Variants in PTPN3 observed in about 807,000 individuals in gnomAD.
PTPN3 encodes tyrosine-protein phosphatase non-receptor type 3.
PTPN3 carries 96 observed loss-of-function variants against 132.7 expected under a neutral mutation model. The observed-to-expected ratio is 0.72, with a 90% confidence interval of 0.61 to 0.86. The LOEUF (loss-of-function observed/expected upper bound fraction) is 0.86. Among genes scored for constraint, PTPN3 ranks in the 40% least tolerant of loss-of-function variants. The pLI is 0.00. For missense variants in PTPN3, 1,125 were observed against 1,159.6 expected (o/e 0.97, Z 0.43); for synonymous variants, 398 against 429.0 (o/e 0.93, Z 0.89).
Position 109,406,567 on chromosome 9 carries a change from T to C in PTPN3, c.1687A>G (p.Asn563Asp). 6.2e-7 allele frequency: 1 copy of C among 1,614,204 alleles called. No homozygotes were observed. The highest frequency in any genetic ancestry group is 8.5e-7 in the Non-Finnish European group (1 of 1,180,024). Residue 563 changes from asparagine (N) to aspartate (D), a missense_variant, in exon 18 of 26, where the codon AAT (asparagine) becomes GAT (aspartate). Physicochemically the swap from Asn to Asp is conservative, Grantham distance 23. Transcript: ENST00000374541. ...GTGTGTTCTGAGATGTCCCGGCCAT[T>C]GATTAACACGATTTGATCCCCTTCG... The part of the protein sequence containing the change: ...LNEGDQIVLI[N>D]GRDISEHTHD...
intron 22 of PTPN3, among the ~76,000 whole-genome samples, chr9:109,385,531 G>A (rs558266139): frequency 1.3e-5 from 2 of 152,322 alleles, no homozygotes; most frequent in African/African-American, 2.4e-5. Flanking sequence ...GAGGCTCAGA[G>A]AATGAATCAG....
At chr9:109,423,304 C>A (rs748745991) in intron 12 of PTPN3, among the ~76,000 whole-genome samples, 1 of 152,184 alleles carries the variant, frequency 6.6e-6, no homozygotes, top group African/African-American at 2.4e-5. Context: ...TCTGAAAATG[C>A]GCTTAGAAAG....
intron 1 of PTPN3, among the ~76,000 whole-genome samples, chr9:109,483,737 A>T (rs1344838829): frequency 6.6e-6 from 1 of 152,154 alleles, no homozygotes. Flanking sequence ...ACAGAACCCG[A>T]CAGACCCCAG....
the PTPN3 span, among the ~76,000 whole-genome samples, chr9:109,509,176 T>C: frequency 6.6e-6 from 1 of 152,210 alleles, no homozygotes; most frequent in East Asian, 1.9e-4. Flanking sequence ...AAATCCCTCA[T>C]TGAAATTATC....
At chr9:109,538,393 G>A in the PTPN3 span, among the ~76,000 whole-genome samples, 2 of 152,104 alleles carry the variant, frequency 1.3e-5, no homozygotes, top group African/African-American at 4.8e-5. Flanking sequence ...CAGAAATCTT[G>A]CCTCAATCGG....
intron 5 of PTPN3, 73 bp from the exon 6 acceptor site, chr9:109,448,928 A>G: frequency 6.5e-7 from 1 of 1,535,628 alleles, no homozygotes; most frequent in Non-Finnish European, 8.7e-7. Context: ...AGAAAGTTTG[A>G]TGAGTCAAAG....
intron 19 of PTPN3, among the ~76,000 whole-genome samples, chr9:109,395,707 A>G (rs1242234534): frequency 6.6e-6 from 1 of 152,028 alleles, no homozygotes; most frequent in Admixed American, 6.6e-5. Context: ...GGATTGCTTG[A>G]GCCTGGGAGG....
chr9:109,381,840 A>G, intron 24 of PTPN3, 53 bp from the exon 25 acceptor site: 1 of 1,607,502 alleles, frequency 6.2e-7, no homozygotes, highest in East Asian at 2.2e-5. Flanking sequence ...GCCTTTCTGC[A>G]TGGCCCAGCG....
At position 109,436,908 on chromosome 9, in the gene PTPN3, T is replaced by C. The variant is rs768746739; in HGVS notation, c.650A>G (p.Tyr217Cys). The C allele has an allele frequency of 3.7e-5, 60 of 1,614,140 alleles. No homozygotes were observed. Among genetic ancestry groups the C allele is most frequent in the Middle Eastern group, 1.7e-4 (1 of 6,060 alleles). Reference protein sequence around the residue: ...YINIARTLDFYGVELHSGRDL... With the variant: ...YINIARTLDFCGVELHSGRDL... ...CCTACCACTGTGCAGTTCTACTCCA[T>C]AGAAGTCGAGGGTCCGCGCTATGTT... Residue 217 changes from tyrosine (Y) to cysteine (C), a missense_variant, in exon 9 of 26, where the codon TAT becomes TGT. Physicochemically the swap from Tyr to Cys is radical, Grantham distance 194. Transcript: ENST00000374541.
intron 13 of PTPN3, among the ~76,000 whole-genome samples, chr9:109,422,096 T>G (rs372993676): frequency 5.9e-5 from 9 of 152,138 alleles, no homozygotes; most frequent in African/African-American, 2.2e-4. Flanking sequence ...TTTTTAGATA[T>G]GGGGAAACTG....
chr9:109,444,128 T>C (rs897001994), intron 7 of PTPN3, among the ~76,000 whole-genome samples: 1 of 152,184 alleles, frequency 6.6e-6, no homozygotes, highest in Non-Finnish European at 1.5e-5. Context: ...GCCTTATCTA[T>C]CTATCACACA....
chr9:109,510,558 TAAAAAAAAAA>T, the PTPN3 span, among the ~76,000 whole-genome samples: 11 of 74,142 alleles, frequency 1.5e-4, no homozygotes, highest in Admixed American at 5.0e-4. Context: ...AACTTTGTCT[TAAAAAAAAAA>T]AAAAAAAAAT....
chr9:109,530,122 T>G, the PTPN3 span, among the ~76,000 whole-genome samples: 1 of 152,194 alleles, frequency 6.6e-6, no homozygotes, highest in Non-Finnish European at 1.5e-5. Flanking sequence ...TAAGTTATAG[T>G]CCAATGGCAT....
chr9:109,462,028 A>T (rs2132044000), intron 2 of PTPN3, among the ~76,000 whole-genome samples: 1 of 152,324 alleles, frequency 6.6e-6, no homozygotes. Context: ...CACTTGTTAC[A>T]ACAATGTTTC....
At chr9:109,443,174 C>A (rs3793527) in intron 7 of PTPN3, among the ~76,000 whole-genome samples, 7,198 of 151,112 alleles carry the variant, frequency 0.048, 338 homozygotes, top group East Asian at 0.28. Flanking sequence ...CTCTGGGGCT[C>A]AACAGATACT....
Position 109,406,588 on chromosome 9 carries a change from C to G in PTPN3, c.1666G>C (p.Gly556Arg). 1.2e-6 allele frequency: 2 copies of G among 1,614,120 alleles called. No individual in the cohort carries two copies. The highest frequency in any genetic ancestry group is 1.7e-6 in the Non-Finnish European group (2 of 1,180,004). Residue 556 changes from glycine to arginine, a missense_variant, in exon 18 of 26, where the codon GGG becomes CGG. By Grantham distance (125) the Gly-to-Arg change is moderately radical (BLOSUM62 -2). Transcript: ENST00000374541. ...ADTCIPKLNE[G>R]DQIVLINGRD... ...CCATTGATTAACACGATTTGATCCCCTTCGTTCAGCTTAGGAATGCAGGTG... is the reference window on the plus strand; with the variant it reads ...CCATTGATTAACACGATTTGATCCCGTTCGTTCAGCTTAGGAATGCAGGTG...
At chr9:109,442,625 T>C (rs1844568414) in intron 7 of PTPN3, among the ~76,000 whole-genome samples, 3 of 152,238 alleles carry the variant, frequency 2.0e-5, no homozygotes, top group African/African-American at 7.2e-5. Flanking sequence ...AAATAGAATT[T>C]ACTGTTTACA....
chr9:109,483,822 C>T (rs755735935), intron 1 of PTPN3, among the ~76,000 whole-genome samples: 7 of 152,110 alleles, frequency 4.6e-5, no homozygotes, highest in East Asian at 3.9e-4. Context: ...TTAAGCTGTG[C>T]GTGTTTTTTC....
At chr9:109,402,143 C>CA (rs1186300321) in intron 19 of PTPN3, among the ~76,000 whole-genome samples, 4 of 152,096 alleles carry the variant, frequency 2.6e-5, no homozygotes, top group African/African-American at 9.7e-5. Context: ...TCTCTAATAC[C>CA]AAAAAACCGG....
Sources: allele counts gnomAD v4.1 joint callset (sites outside exome capture counted in the v4.1 genomes callset), GRCh38; gene constraint gnomAD v4.1.1; transcripts MANE v1.5; gene names NCBI Gene and HGNC (gene_info 2026-07-23, HGNC 2026-07-21).